Variants in RYR2 observed in about 807,000 individuals in gnomAD.
RYR2 encodes ryanodine receptor 2.
RYR2 carries 227 observed loss-of-function variants against 601.1 expected under a neutral mutation model. The observed-to-expected ratio is 0.38, with a 90% CI of 0.34 to 0.42. RYR2 has a LOEUF of 0.42. RYR2 is among the 10% of genes least tolerant of loss of function. The pLI is 1.00. For missense variants in RYR2, 4,646 were observed against 6,156.5 expected (o/e 0.75, Z 8.21); for synonymous variants, 2,223 against 2,175.1 (o/e 1.02, Z -0.61).
At chr1:237,465,608 A>G (rs184389125) in intron 16 of RYR2, among the ~76,000 whole-genome samples, 1 of 150,476 alleles carries the variant, frequency 6.6e-6, no homozygotes, top group Admixed American at 6.6e-5. Context: ...TATAGGGGAT[A>G]GCCTACTGCA....
chr1:237,108,586 T>A (rs1669037154), intron 1 of RYR2, among the ~76,000 whole-genome samples: 1 of 152,174 alleles, frequency 6.6e-6, no homozygotes. Context: ...CTCTTAAATC[T>A]ATCAGTCGAA....
intron 1 of RYR2, among the ~76,000 whole-genome samples, chr1:237,136,611 G>A (rs922141605): frequency 1.3e-5 from 2 of 152,194 alleles, no homozygotes; most frequent in African/African-American, 4.8e-5. Flanking sequence ...CTGTGTATGG[G>A]AAGGGGAATA....
chr1:237,780,600 C>A (rs150194935), intron 88 of RYR2, among the ~76,000 whole-genome samples: 5 of 152,026 alleles, frequency 3.3e-5, no homozygotes, highest in Non-Finnish European at 7.4e-5. Flanking sequence ...TATAGCTAAG[C>A]GTAGTGATGT....
intron 17 of RYR2, among the ~76,000 whole-genome samples, chr1:237,475,380 A>C (rs1241855324): frequency 1.3e-5 from 2 of 152,178 alleles, no homozygotes; most frequent in Admixed American, 6.5e-5. Flanking sequence ...ATAAGCTAAA[A>C]TTTCTAAGCA....
intron 30 of RYR2, 46 bp from the exon 31 acceptor site, chr1:237,590,594 T>A: frequency 6.9e-7 from 1 of 1,440,148 alleles, no homozygotes. Context: ...ATCAGGAAAT[T>A]GACAATGGTG....
intron 1 of RYR2, among the ~76,000 whole-genome samples, chr1:237,095,882 T>C (rs1558224794): frequency 6.6e-6 from 1 of 152,206 alleles, no homozygotes; most frequent in African/African-American, 2.4e-5. Context: ...GAAGTGGACT[T>C]GTGGTTGACC....
In RYR2 at chr1:237,573,300, A is replaced by T. The variant is rs576762296; in HGVS notation, c.3598+3981A>T. Among the ~76,000 whole-genome samples the T allele has an allele frequency of 9.2e-5, 14 of 152,028 alleles. No individual in the cohort carries two copies. The South Asian group carries it at 2.9e-3, about 32-fold the overall frequency. On this transcript the variant is annotated intron_variant, in intron 29 of 104. Coordinates refer to ENST00000366574, the MANE Select transcript of RYR2 (RefSeq NM_001035.3). The stretch of plus-strand genomic sequence containing the variant: ...TGTGTATGCGCACACATACACACAG[A>T]CACATGCTGTAGATCCCTGTCTGGT...
intron 56 of RYR2, among the ~76,000 whole-genome samples, chr1:237,664,000 A>T (rs1684053375): frequency 6.6e-6 from 1 of 152,204 alleles, no homozygotes. Flanking sequence ...CCTCCTTGGT[A>T]GGGATACTAA....
chr1:237,586,785 T>C (rs879493210), intron 29 of RYR2, among the ~76,000 whole-genome samples: 9 of 152,100 alleles, frequency 5.9e-5, no homozygotes, highest in Non-Finnish European at 1.0e-4. Flanking sequence ...GGTGGTGCAA[T>C]CTAGGCTCAC....
chr1:237,111,205 G>T (rs190133751), intron 1 of RYR2, among the ~76,000 whole-genome samples: 1 of 152,214 alleles, frequency 6.6e-6, no homozygotes, highest in Non-Finnish European at 1.5e-5. Context: ...CACTGTGCTT[G>T]TTGGAGTATT....
chr1:237,591,406 G>A (rs1294425968), intron 31 of RYR2, among the ~76,000 whole-genome samples: 2 of 151,920 alleles, frequency 1.3e-5, no homozygotes, highest in African/African-American at 4.8e-5. Flanking sequence ...TATGATAAAG[G>A]CGGCAAGTTA....
intron 1 of RYR2, among the ~76,000 whole-genome samples, chr1:237,269,174 C>G (rs1689432078): frequency 6.6e-6 from 1 of 150,498 alleles, no homozygotes; most frequent in African/African-American, 2.5e-5. Flanking sequence ...TCCTGAGTAG[C>G]TGGGATTACA....
Position 237,833,735 on chromosome 1 carries a change from T to C in RYR2, c.*1088T>C, listed in dbSNP as rs1025020044. 6.6e-6 allele frequency: 1 copy of C among 152,648 alleles called. No homozygotes were observed. The highest frequency in any genetic ancestry group is 2.4e-5 in the African/African-American group (1 of 41,464). 9.5% of individuals were successfully genotyped at this position (152,648 alleles called of 1,614,324 possible). ...TGATTAAGGACTTCTTGTCAGGCCATTTTTTAATATCAAAGCTGAAGCAAT... is the reference window on the plus strand; with the variant it reads ...TGATTAAGGACTTCTTGTCAGGCCACTTTTTAATATCAAAGCTGAAGCAAT... On this transcript the variant is annotated 3_prime_UTR_variant, in exon 105 of 105. Coordinates refer to ENST00000366574, the MANE Select transcript of RYR2 (RefSeq NM_001035.3).
intron 16 of RYR2, among the ~76,000 whole-genome samples, chr1:237,460,736 G>A (rs1173829238): frequency 6.6e-6 from 1 of 152,050 alleles, no homozygotes. Context: ...ATAAGCACCT[G>A]AACTTTCATT....
At chr1:237,551,960 C>G (rs1243550695) in intron 27 of RYR2, among the ~76,000 whole-genome samples, 3 of 152,074 alleles carry the variant, frequency 2.0e-5, no homozygotes, top group South Asian at 4.2e-4. Flanking sequence ...TCATAGGCAT[C>G]CTGACATATT....
chr1:237,736,717 C>T (rs2149188716), intron 79 of RYR2, among the ~76,000 whole-genome samples: 1 of 152,238 alleles, frequency 6.6e-6, no homozygotes, highest in South Asian at 2.1e-4. Context: ...ATTGGCATGG[C>T]ACATGGGCTA....
intron 73 of RYR2, among the ~76,000 whole-genome samples, chr1:237,719,959 A>C (rs1689583883): frequency 6.6e-6 from 1 of 152,254 alleles, no homozygotes; most frequent in African/African-American, 2.4e-5. Flanking sequence ...GGAATAAGTG[A>C]GTTTACCTAA....
At position 237,593,544 on chromosome 1, in the gene RYR2, A is replaced by G. The variant is rs1186500223; in HGVS notation, c.4344A>G (p.Ser1448=). The stretch of plus-strand genomic sequence containing the variant: ...ATGTCTGGGTGGGCTGGATTACATC[A>G]GATTTCCATCAGTATGACACAGGCT... ...PANVWVGWIT[S]DFHQYDTGFD... Residue 1448 remains serine, a synonymous_variant, in exon 33 of 105, where the codon TCA becomes TCG. Coordinates refer to ENST00000366574, the MANE Select transcript of RYR2 (RefSeq NM_001035.3). 1.2e-6 allele frequency: 2 copies of G among 1,613,862 alleles called. No individual in the cohort carries two copies. Among genetic ancestry groups the G allele is most frequent in the African/African-American group, 1.3e-5 (1 of 74,952 alleles).
In RYR2 at chr1:237,594,904, T is replaced by TG. The variant is rs1675683017; in HGVS notation, c.4437-594_4437-593insG. 2.5e-3 allele frequency among the ~76,000 whole-genome samples: 130 copies of TG among 52,646 alleles called. 1 individual carries two copies. Among genetic ancestry groups the TG allele is most frequent in the African/African-American group, 5.3e-3 (121 of 23,000 alleles). 34.5% of individuals were successfully genotyped at this position (52,646 alleles called of 152,430 possible). ...TCACTGGGTTTTTTTTTTTTTTTTT[T>TG]TTTTTTTTTTTTTTTTTTTTTTTTT... On this transcript the variant is annotated intron_variant, in intron 33 of 104. Transcript: ENST00000366574.
Sources: allele counts gnomAD v4.1 joint callset (sites outside exome capture counted in the v4.1 genomes callset), GRCh38; gene constraint gnomAD v4.1.1; transcripts MANE v1.5; gene names NCBI Gene and HGNC (gene_info 2026-07-23, HGNC 2026-07-21).